Variants in HNRNPUL2 observed in about 807,000 individuals in gnomAD.
The protein encoded by HNRNPUL2 is heterogeneous nuclear ribonucleoprotein U like 2.
In HNRNPUL2, 27 loss-of-function variants were observed where a neutral mutation model predicts 102.2. The observed-to-expected ratio is 0.26, with a 90% CI of 0.19 to 0.36. The LOEUF is 0.36. HNRNPUL2 is among the 10% of genes least tolerant of loss of function. HNRNPUL2 has a pLI of 1.00. For missense variants in HNRNPUL2, 936 were observed against 981.1 expected, an observed-to-expected ratio of 0.95 and a Z score of 0.61; for synonymous variants, 458 against 387.2, an observed-to-expected ratio of 1.18 and a Z score of -2.15.
Position 62,727,362 on chromosome 11 carries a change from T to C in HNRNPUL2, c.-206A>G, listed in dbSNP as rs1438724358. 1 of 570,802 alleles carries C rather than the reference T, an allele frequency of 1.8e-6. No individual in the cohort carries two copies. Among genetic ancestry groups the C allele is most frequent in the South Asian group, 8.2e-5 (1 of 12,216 alleles). The allele number at this position is 570,802 out of a possible 1,614,324, so 35.4% of individuals were successfully genotyped here. A position where few individuals can be genotyped will look rare whatever the true frequency, so the allele number is the denominator to read the frequency against. On this transcript the variant is annotated 5_prime_UTR_variant, in exon 1 of 14. Transcript: ENST00000301785. ...GCTTCTCCTTCGTCTCCCCTCCCCC[T>C]TTCGGCTCACGGAGCCCAAAACAAC...
In HNRNPUL2 at chr11:62,726,962, G is replaced by A. The variant is rs376882579; in HGVS notation, c.195C>T (p.Ala65=). Residue 65 remains alanine (A), a synonymous_variant, in exon 1 of 14, where the codon GCC becomes GCT. Transcript: ENST00000301785. ...GACKAEPRPV[A]ASGGGPGGDE... ...CCCCGCCCGGGCCGCCGCCCGACGC[G>A]GCCACAGGCCGAGGCTCCGCCTTGC... The A allele has an allele frequency of 3.5e-3, 5,058 of 1,446,010 alleles. 19 individuals carry two copies. The highest frequency in any genetic ancestry group is 4.2e-3 in the Non-Finnish European group (4,679 of 1,106,448). The allele number at this position is 1,446,010 out of a possible 1,614,324, so 89.6% of individuals were successfully genotyped here. A position where few individuals can be genotyped will look rare whatever the true frequency, so the allele number is the denominator to read the frequency against.
At chr11:62,715,753 A>C (rs1216332302) in intron 12 of HNRNPUL2, 111 bp downstream of exon 12, 1 of 1,177,934 alleles carries the variant, frequency 8.5e-7, no homozygotes, top group Non-Finnish European at 1.3e-6. Context: ...GAACATATTA[A>C]ATGGGCAAAA....
Position 62,727,274 on chromosome 11 carries a change from CCGCGCGAGCGAGCGCACGCA to C in HNRNPUL2, c.-138_-119del. ...TCCGCCTCACGCGCCAGCACTGAGC[CCGCGCGAGCGAGCGCACGCA>C]CGCAGGAGCGGAGGCCGCGCACGGT... On this transcript the variant is annotated 5_prime_UTR_variant, in exon 1 of 14. Transcript: ENST00000301785. 1 of 1,198,858 alleles carries C rather than the reference CCGCGCGAGCGAGCGCACGCA, an allele frequency of 8.3e-7. No individual in the cohort carries two copies. The highest frequency in any genetic ancestry group is 1.0e-6 in the Non-Finnish European group (1 of 961,626). 74.3% of individuals were successfully genotyped at this position (1,198,858 alleles called of 1,614,324 possible).
In HNRNPUL2 at chr11:62,720,101, C is replaced by G; in HGVS notation, c.1702G>C (p.Asp568His). Residue 568 changes from aspartate to histidine, a missense_variant, in exon 10 of 14, where the codon GAT becomes CAT. Asp to His is a moderately conservative substitution (Grantham distance 81). Coordinates refer to ENST00000301785, the MANE Select transcript of HNRNPUL2 (RefSeq NM_001079559.3). The stretch of plus-strand genomic sequence containing the variant: ...CTCAACTCCAGCCTCTTCTTCCAAT[C>G]TTCCTCATTAGGGACAACCACCACC... ...KVVVVVPNEE[D>H]WKKRLELRKE... 3 of 1,614,234 alleles carry G rather than the reference C, an allele frequency of 1.9e-6. No homozygotes were observed. The highest frequency in any genetic ancestry group is 2.5e-6 in the Non-Finnish European group (3 of 1,180,014).
In HNRNPUL2 at chr11:62,727,208, G is replaced by C. The variant is rs1321869761; in HGVS notation, c.-52C>G. The C allele has an allele frequency of 7.5e-7, 1 of 1,329,846 alleles. No homozygotes were observed. Among genetic ancestry groups the C allele is most frequent in the Non-Finnish European group, 9.6e-7 (1 of 1,044,070 alleles). The allele number at this position is 1,329,846 out of a possible 1,614,324, so 82.4% of individuals were successfully genotyped here. ...GCCGCCTCCTCCCCTGCGAACCGTC[G>C]ACCGAGTCCGACCGCGCAGGCGCCG... On this transcript the variant is annotated 5_prime_UTR_variant, in exon 1 of 14. Transcript: ENST00000301785.
Position 62,727,208 on chromosome 11 carries a change from G to T in HNRNPUL2, c.-52C>A. The T allele has an allele frequency of 1.5e-6, 2 of 1,329,846 alleles. No individual in the cohort carries two copies. The highest frequency in any genetic ancestry group is 1.9e-6 in the Non-Finnish European group (2 of 1,044,070). 82.4% of individuals were successfully genotyped at this position (1,329,846 alleles called of 1,614,324 possible). A position where few individuals can be genotyped will look rare whatever the true frequency, so the allele number is the denominator to read the frequency against. On this transcript the variant is annotated 5_prime_UTR_variant, in exon 1 of 14. Coordinates refer to ENST00000301785, the MANE Select transcript of HNRNPUL2 (RefSeq NM_001079559.3). ...GCCGCCTCCTCCCCTGCGAACCGTC[G>T]ACCGAGTCCGACCGCGCAGGCGCCG...
Position 62,720,166 on chromosome 11 carries a change from C to T in HNRNPUL2, c.1637G>A (p.Arg546Gln). 1 of 1,614,072 alleles carries T rather than the reference C, an allele frequency of 6.2e-7. No homozygotes were observed. Among genetic ancestry groups the T allele is most frequent in the East Asian group, 2.2e-5 (1 of 44,884 alleles). ...DQCNVYNSGQ[R>Q]RKLLLFKTFS... ...GGTCTTGAACAGCAATAGCTTCCGC[C>T]GTTGGCCAGAATTGTACACATTACA... The change falls in exon 10 of 14, where the codon CGG becomes CAG. Residue 546 changes from arginine to glutamine, a missense_variant. By Grantham distance (43) the Arg-to-Gln change is conservative. Transcript: ENST00000301785.
rs1406508891 is a variant in HNRNPUL2 at position 62,713,024 on chromosome 11, G to A, written c.*2275C>T. ...CAAAACCCGGACATCTACTGTTGTT[G>A]CAAATGATCTCTTGGACTAAACCAA... On this transcript the variant is annotated 3_prime_UTR_variant, in exon 14 of 14. Coordinates refer to ENST00000301785, the MANE Select transcript of HNRNPUL2 (RefSeq NM_001079559.3). 6.6e-6 allele frequency: 1 copy of A among 152,182 alleles called. No individual in the cohort carries two copies. Among genetic ancestry groups the A allele is most frequent in the Non-Finnish European group, 1.5e-5 (1 of 68,024 alleles). 9.4% of individuals were successfully genotyped at this position (152,182 alleles called of 1,614,324 possible).
At chr11:62,723,500 A>G in intron 4 of HNRNPUL2, 87 bp downstream of exon 4, 1 of 1,368,256 alleles carries the variant, frequency 7.3e-7, no homozygotes, top group Non-Finnish European at 9.9e-7. Flanking sequence ...TCAAAAAAAA[A>G]GAGATAATAA....
At position 62,724,390 on chromosome 11, in the gene HNRNPUL2, C is replaced by A; in HGVS notation, c.575G>T (p.Gly192Val). The A allele has an allele frequency of 6.2e-7, 1 of 1,614,180 alleles. No individual in the cohort carries two copies. Among genetic ancestry groups the A allele is most frequent in the Non-Finnish European group, 8.5e-7 (1 of 1,180,028 alleles). Residue 192 changes from glycine (G) to valine (V), a missense_variant, in exon 2 of 14, where the codon GGC (glycine) becomes GTC (valine). By Grantham distance (109) the Gly-to-Val change is moderately radical. Coordinates refer to ENST00000301785, the MANE Select transcript of HNRNPUL2 (RefSeq NM_001079559.3). ...DQDSEKSKPA[G>V]SDGERRGVKR... ...TACCCCCCGCCGCTCACCATCTGAG[C>A]CTGCTGGTTTTGACTTTTCACTATC... is the stretch of plus-strand genomic sequence containing the variant.
In HNRNPUL2 at chr11:62,727,119, G is replaced by T; in HGVS notation, c.38C>A (p.Ser13Ter). 6.9e-7 allele frequency: 1 copy of T among 1,449,582 alleles called. No individual in the cohort carries two copies. Among genetic ancestry groups the T allele is most frequent in the Non-Finnish European group, 9.1e-7 (1 of 1,104,170 alleles). The allele number at this position is 1,449,582 out of a possible 1,614,324, so 89.8% of individuals were successfully genotyped here. A position where few individuals can be genotyped will look rare whatever the true frequency, so the allele number is the denominator to read the frequency against. ...VKRLKVTELR[S>*]ELQRRGLDSR... ...GTCCAGGCCCCGCCGCTGCAGCTCC[G>T]ACCGCAGCTCGGTCACTTTCAGCCG... The change falls in exon 1 of 14, where the codon TCG becomes TAG. Residue 13 changes from serine (S) to a stop codon, truncating the protein, a stop_gained. Transcript: ENST00000301785. LOFTEE classifies it high-confidence loss of function.
intron 1 of HNRNPUL2, among the ~76,000 whole-genome samples, chr11:62,724,653 T>C (rs894675568): frequency 9.2e-5 from 14 of 152,204 alleles, no homozygotes; most frequent in Non-Finnish European, 2.1e-4. Context: ...AGTCAAGCAC[T>C]AGATAAAAAT....
intron 4 of HNRNPUL2, 90 bp downstream of exon 4, chr11:62,723,497 A>C: frequency 2.2e-6 from 3 of 1,370,256 alleles, no homozygotes; most frequent in Non-Finnish European, 3.0e-6. Flanking sequence ...ATCTCAAAAA[A>C]AAAGAGATAA....
In HNRNPUL2 at chr11:62,726,689, T is replaced by C. The variant is rs2083751826; in HGVS notation, c.468A>G (p.Glu156=). ...TCTCGTCCCCGCTCCGCTCCTCGGGTTCGTCTTCCTCCCTCTTGCCGAGGC... is the reference window on the plus strand; with the variant it reads ...TCTCGTCCCCGCTCCGCTCCTCGGGCTCGTCTTCCTCCCTCTTGCCGAGGC... ...EQGLGKREED[E]PEERSGDETP... is the part of the protein sequence containing the mutation. Residue 156 remains glutamate, a synonymous_variant, in exon 1 of 14, where the codon GAA becomes GAG. Transcript: ENST00000301785. 3.1e-6 allele frequency: 5 copies of C among 1,600,068 alleles called. No individual in the cohort carries two copies. Among genetic ancestry groups the C allele is most frequent in the Non-Finnish European group, 3.4e-6 (4 of 1,179,424 alleles).
chr11:62,721,032 G>A (rs930061605), intron 9 of HNRNPUL2, among the ~76,000 whole-genome samples: 1 of 152,160 alleles, frequency 6.6e-6, no homozygotes, highest in Non-Finnish European at 1.5e-5. Context: ...ACTTATCCAA[G>A]ATCACAAACC....
chr11:62,726,804 G>A lies in HNRNPUL2; in HGVS notation c.353C>T (p.Ala118Val), dbSNP rs201845250. 797 of 1,596,476 alleles carry A rather than the reference G, an allele frequency of 5.0e-4. No individual in the cohort carries two copies. Among genetic ancestry groups the A allele is most frequent in the Non-Finnish European group, 6.5e-4 (764 of 1,177,560 alleles). The change falls in exon 1 of 14, where the codon GCC becomes GTC. Residue 118 changes from alanine to valine, a missense_variant. Transcript: ENST00000301785. Reference sequence around the variant, plus strand: ...ATCTGGCTCGGCCGCGGCCTCCATGGCTGCCGCCTCCGGGGGCTCCGGCGG... The same window carrying A: ...ATCTGGCTCGGCCGCGGCCTCCATGACTGCCGCCTCCGGGGGCTCCGGCGG... Reference protein sequence around the residue: ...QPPPEPPEAAAMEAAAEPDAS... With the variant: ...QPPPEPPEAAVMEAAAEPDAS...
rs1475187016 is a variant in HNRNPUL2, at chr11:62,727,388, G to A, written c.-232C>T. ...TTCGGCTCACGGAGCCCAAAACAAC[G>A]CAGCAGGGAGCTGTTTCCCCTCCAG... On this transcript the variant is annotated 5_prime_UTR_variant, in exon 1 of 14. Transcript: ENST00000301785. 7 of 426,418 alleles carry A rather than the reference G, an allele frequency of 1.6e-5. No individual in the cohort carries two copies. The highest frequency in any genetic ancestry group is 2.2e-5 in the Non-Finnish European group (6 of 271,124). The allele number at this position is 426,418 out of a possible 1,614,324, so 26.4% of individuals were successfully genotyped here.
chr11:62,726,599 C>A lies in HNRNPUL2; in HGVS notation c.538+20G>T, dbSNP rs765309039. The A allele has an allele frequency of 2.7e-5, 41 of 1,524,664 alleles. No individual in the cohort carries two copies. The highest frequency in any genetic ancestry group is 1.1e-4 in the Admixed American group (6 of 52,380). 94.4% of individuals were successfully genotyped at this position (1,524,664 alleles called of 1,614,324 possible). A position where few individuals can be genotyped will look rare whatever the true frequency, so the allele number is the denominator to read the frequency against. ...GCGCAGCCGGCAGGTTGGAGCCGGG[C>A]TCGGCTGCCAGCTCCTCACCCTGTT... On this transcript the variant is annotated intron_variant, in intron 1 of 13. Transcript: ENST00000301785.
rs1260918077 is a variant in HNRNPUL2, at chr11:62,715,516, C to G, written c.2147G>C (p.Arg716Thr). Residue 716 changes from arginine to threonine, a missense_variant, in exon 13 of 14, where the codon AGA becomes ACA. Transcript: ENST00000301785. ...GATACTCACATCCCGATTGTATTGT[C>G]TGTAATAGTCTCTGTATCTGTTGTA... ...YEYNRYRDYYRQYNRDWQSYY... is the reference protein window; with the variant it reads ...YEYNRYRDYYTQYNRDWQSYY... 6.2e-7 allele frequency: 1 copy of G among 1,611,418 alleles called. No individual in the cohort carries two copies. The highest frequency in any genetic ancestry group is 1.1e-5 in the South Asian group (1 of 90,998).
Sources: gnomAD v4.1 joint callset for allele counts (sites outside exome capture counted in the v4.1 genomes callset) on GRCh38, gnomAD v4.1.1 for gene constraint, MANE v1.5 for transcripts, NCBI Gene and HGNC (gene_info 2026-07-23, HGNC 2026-07-21) for gene names.